Variants in ZC3H13 observed in about 807,000 individuals in gnomAD.
ZC3H13 encodes the protein zinc finger CCCH-type containing 13.
A neutral mutation model predicts 204.1 loss-of-function variants in ZC3H13; 64 were observed. The observed-to-expected ratio is 0.31, with a 90% CI of 0.26 to 0.39. The LOEUF (loss-of-function observed/expected upper bound fraction) is 0.39, where lower values mean the gene tolerates loss of function less well. ZC3H13 is among the 10% of genes least tolerant of loss of function. ZC3H13 has a pLI of 1.00. For missense variants in ZC3H13, 1,833 were observed against 2,082.7 expected, an observed-to-expected ratio of 0.88 and a Z score of 2.33; for synonymous variants, 667 against 693.7, an observed-to-expected ratio of 0.96 and a Z score of 0.60.
chr13:46,048,001 A>ACC (rs1358588994), intron 1 of ZC3H13, among the ~76,000 whole-genome samples: 6 of 151,948 alleles, frequency 3.9e-5, no homozygotes, highest in African/African-American at 1.2e-4. Context: ...CATCTCTACT[A>ACC]CCCCCAACAT....
At position 45,988,710 on chromosome 13, in the gene ZC3H13, C is replaced by T; in HGVS notation, c.1255+77G>A. 4.0e-6 allele frequency: 6 copies of T among 1,486,556 alleles called. 1 individual carries two copies. In the South Asian group the frequency reaches 8.1e-5, roughly 20 times the overall value. The allele number at this position is 1,486,556 out of a possible 1,614,324, so 92.1% of individuals were successfully genotyped here. ...TACAGAAGACTTAACATAGCAAAGT[C>T]TTTCTCCATCTCTTAGTACAACAAT... On this transcript the variant is annotated intron_variant, in intron 9 of 18. Coordinates refer to ENST00000679008, the MANE Select transcript of ZC3H13 (RefSeq NM_001330564.2).
intron 8 of ZC3H13, among the ~76,000 whole-genome samples, chr13:45,990,724 G>C (rs139012767): frequency 7.3e-5 from 11 of 151,010 alleles, no homozygotes; most frequent in African/African-American, 2.7e-4. Context: ...CTACTGAACA[G>C]AAAAATCACT....
chr13:46,044,905 C>T (rs2043837796), intron 3 of ZC3H13, 50 bp downstream of exon 3: 1 of 1,337,854 alleles, frequency 7.5e-7, no homozygotes, highest in Non-Finnish European at 1.0e-6. Flanking sequence ...AGATAAATTA[C>T]AAAAGCCATC....
At position 45,987,902 on chromosome 13, in the gene ZC3H13, T is replaced by C. The variant is rs186318656; in HGVS notation, c.1255+885A>G. Among the ~76,000 whole-genome samples, 55 of 152,302 alleles carry C rather than the reference T, an allele frequency of 3.6e-4. No homozygotes were observed. The East Asian group carries it at 8.9e-3, about 25-fold the overall frequency. On this transcript the variant is annotated intron_variant, in intron 9 of 18. Coordinates refer to ENST00000679008, the MANE Select transcript of ZC3H13 (RefSeq NM_001330564.2). ...GATGAGAGCTATTAAACAGGCTTTA[T>C]TGCCAGGTAACAATAAAATCTCAGC...
At chr13:45,966,925 G>A (rs1439059120) in intron 15 of ZC3H13, among the ~76,000 whole-genome samples, 1 of 152,178 alleles carries the variant, frequency 6.6e-6, no homozygotes, top group Non-Finnish European at 1.5e-5. Flanking sequence ...GTAAATGGGG[G>A]CTGAAGGGTA....
intron 18 of ZC3H13, 25 bp downstream of exon 18, chr13:45,959,458 A>G: frequency 1.3e-6 from 2 of 1,511,542 alleles, no homozygotes; most frequent in Non-Finnish European, 1.8e-6. Flanking sequence ...TTCACTTTGT[A>G]TTTTTTCCAA....
rs534622850 is a variant in ZC3H13, at chr13:45,979,846, C to T, written c.1879G>A (p.Gly627Arg). 1.9e-6 allele frequency: 3 copies of T among 1,601,858 alleles called. No homozygotes were observed. The highest frequency in any genetic ancestry group is 2.6e-6 in the Non-Finnish European group (3 of 1,174,882). Reference sequence around the variant, plus strand: ...CTGTTGTCACGACGGTCTCGCTCTCCATGTCTTCTCTCAAAGGAAGAATCC... The same window carrying T: ...CTGTTGTCACGACGGTCTCGCTCTCTATGTCTTCTCTCAAAGGAAGAATCC... ...ARDSSFERRH[G>R]ERDRRDNRER... The change falls in exon 11 of 19, where the codon GGA (glycine) becomes AGA (arginine). Residue 627 changes from glycine (G) to arginine (R), a missense_variant. Gly to Arg is a moderately radical substitution (Grantham distance 125). Around this residue, in one of 5 missense-constraint regions of ZC3H13, gnomAD observed 1,574 missense variants for 1,757.2 expected, o/e 0.90. Coordinates refer to ENST00000679008, the MANE Select transcript of ZC3H13 (RefSeq NM_001330564.2).
chr13:46,052,256 C>G, intron 1 of ZC3H13, 148 bp downstream of exon 1: 1 of 331,564 alleles, frequency 3.0e-6, no homozygotes, highest in African/African-American at 2.1e-5. Flanking sequence ...GCACAGGGGG[C>G]TATTGCAGAG....
In ZC3H13 at chr13:46,037,252, G is replaced by A. The variant is rs139735209; in HGVS notation, c.339+4912C>T. Among the ~76,000 whole-genome samples the A allele has an allele frequency of 4.4e-3, 663 of 152,180 alleles. 5 individuals are homozygous for A. Among genetic ancestry groups the A allele is most frequent in the African/African-American group, 0.015 (624 of 41,524 alleles). ...GAAAATAAAAACAAAGATCAATAAA[G>A]AAAAATAAACTTAGACCACTGCTCT... On this transcript the variant is annotated intron_variant, in intron 4 of 18. Transcript: ENST00000679008.
intron 8 of ZC3H13, among the ~76,000 whole-genome samples, chr13:45,996,842 C>T (rs2040373266): frequency 6.7e-6 from 1 of 149,878 alleles, no homozygotes; most frequent in South Asian, 2.1e-4. Context: ...CAAAAATCTA[C>T]AATAAGAAGG....
intron 5 of ZC3H13, among the ~76,000 whole-genome samples, chr13:46,018,158 A>C (rs2138774918): frequency 6.8e-6 from 1 of 147,572 alleles, no homozygotes; most frequent in Admixed American, 6.8e-5. Flanking sequence ...TTTTTCAAGA[A>C]AACAGGAGCT....
intron 5 of ZC3H13, among the ~76,000 whole-genome samples, chr13:46,013,307 A>G (rs1434135203): frequency 6.6e-6 from 1 of 152,038 alleles, no homozygotes; most frequent in Non-Finnish European, 1.5e-5. Flanking sequence ...CCAGCTACTC[A>G]GGAGTCAGAG....
intron 10 of ZC3H13, among the ~76,000 whole-genome samples, chr13:45,980,519 C>T (rs1474248938): frequency 6.6e-6 from 1 of 152,142 alleles, no homozygotes; most frequent in Non-Finnish European, 1.5e-5. Context: ...CTGCAAAGTA[C>T]ACTAATGTCT....
At chr13:46,008,632 A>G (rs1460335215) in intron 7 of ZC3H13, among the ~76,000 whole-genome samples, 1 of 152,194 alleles carries the variant, frequency 6.6e-6, no homozygotes, top group African/African-American at 2.4e-5. Flanking sequence ...TTCTATAAAC[A>G]GAACAGATAA....
chr13:45,959,340 G>T, intron 18 of ZC3H13, 143 bp downstream of exon 18: 2 of 730,136 alleles, frequency 2.7e-6, no homozygotes, highest in Non-Finnish European at 4.0e-6. Flanking sequence ...CATTTTAATG[G>T]CATTCTTCTT....
chr13:45,969,040 T>C lies in ZC3H13; in HGVS notation c.3504A>G (p.Val1168=), dbSNP rs1355458443. 1.9e-6 allele frequency: 3 copies of C among 1,614,234 alleles called. No homozygotes were observed. The South Asian group carries it at 3.3e-5, about 18-fold the overall frequency. ...CTTCTATAGTCACGTGAGGCGTCTCTACTTTTTCTACTCGTGTTCTGTGGC... is the reference window on the plus strand; with the variant it reads ...CTTCTATAGTCACGTGAGGCGTCTCCACTTTTTCTACTCGTGTTCTGTGGC... The part of the protein sequence containing the change: ...RKCHRTRVEK[V]ETPHVTIEDA... Residue 1168 remains valine (V), a synonymous_variant, in exon 14 of 19, where the codon GTA becomes GTG. Transcript: ENST00000679008.
At chr13:45,993,088 G>A (rs2040080759) in intron 8 of ZC3H13, among the ~76,000 whole-genome samples, 1 of 152,092 alleles carries the variant, frequency 6.6e-6, no homozygotes, top group South Asian at 2.1e-4. Flanking sequence ...CTGGAAACCA[G>A]TCTATCTAGT....
rs143882301 is a variant in ZC3H13 at position 46,040,831 on chromosome 13, AAG to A, written c.339+1331_339+1332del. ...TACAAATAGCCAATAAGTACACAAG[AAG>A]ATGCTCAACATCATTAGAATCCAAA... On this transcript the variant is annotated intron_variant, in intron 4 of 18. Transcript: ENST00000679008. Among the ~76,000 whole-genome samples the A allele has an allele frequency of 6.5e-3, 990 of 152,310 alleles. 5 individuals are homozygous for A. Among genetic ancestry groups the A allele is most frequent in the Non-Finnish European group, 9.8e-3 (666 of 67,990 alleles).
At chr13:46,000,446 T>C (rs184655135) in intron 8 of ZC3H13, among the ~76,000 whole-genome samples, 258 of 152,354 alleles carry the variant, frequency 1.7e-3, no homozygotes, top group African/African-American at 5.7e-3. Flanking sequence ...CGGAGATGGC[T>C]TCATTCGTTA....
Sources: gnomAD v4.1 joint callset for allele counts (sites outside exome capture counted in the v4.1 genomes callset) on GRCh38, gnomAD v4.1.1 for gene constraint, gnomAD v4.1.1 regional missense constraint, MANE v1.5 for transcripts, NCBI Gene and HGNC (gene_info 2026-07-23, HGNC 2026-07-21) for gene names.